Variants in PPP1R14B observed in about 807,000 individuals in gnomAD.
PPP1R14B encodes protein phosphatase 1 regulatory inhibitor subunit 14B, also known as protein phosphatase 1 regulatory subunit 14B.
PPP1R14B carries 4 observed loss-of-function variants against 14.7 expected under a neutral mutation model. The observed-to-expected ratio is 0.27, with a 90% CI of 0.13 to 0.62. The LOEUF is 0.62. Ranked by LOEUF, PPP1R14B falls within the 20% of genes least tolerant of loss-of-function variation. The pLI, the probability that PPP1R14B is intolerant of heterozygous loss-of-function variation, is 0.85. For missense variants in PPP1R14B, 138 were observed against 201.5 expected, an observed-to-expected ratio of 0.68 and a Z score of 1.91; for synonymous variants, 76 against 87.3, an observed-to-expected ratio of 0.87 and a Z score of 0.72.
intron 1 of PPP1R14B, 72 bp from the exon 2 acceptor site, chr11:64,245,359 G>A: frequency 7.6e-7 from 1 of 1,317,494 alleles, no homozygotes; most frequent in Non-Finnish European, 1.1e-6. Flanking sequence ...GGGGCTCTGG[G>A]TTGAGGCCCC....
Position 64,244,649 on chromosome 11 carries a change from A to G in PPP1R14B, c.*105T>C. 1 of 1,533,278 alleles carries G rather than the reference A, an allele frequency of 6.5e-7. No individual in the cohort carries two copies. Among genetic ancestry groups the G allele is most frequent in the East Asian group, 2.3e-5 (1 of 43,422 alleles). 95.0% of individuals were successfully genotyped at this position (1,533,278 alleles called of 1,614,324 possible). A position where few individuals can be genotyped will look rare whatever the true frequency, so the allele number is the denominator to read the frequency against. On this transcript the variant is annotated 3_prime_UTR_variant, in exon 4 of 4. Transcript: ENST00000309318. ...GCCAGGGGCACGAGGAGCCCTGCTC[A>G]TGGCACCAGGCCTGGCCGCAGGGTC...
In PPP1R14B at chr11:64,246,716, C is replaced by T. The variant is rs1345259533; in HGVS notation, c.-43G>A. The T allele has an allele frequency of 3.9e-6, 4 of 1,016,372 alleles. No homozygotes were observed. The highest frequency in any genetic ancestry group is 1.7e-5 in the African/African-American group (1 of 57,456). The allele number at this position is 1,016,372 out of a possible 1,614,324, so 63.0% of individuals were successfully genotyped here. A position where few individuals can be genotyped will look rare whatever the true frequency, so the allele number is the denominator to read the frequency against. On this transcript the variant is annotated 5_prime_UTR_variant, in exon 1 of 4. Transcript: ENST00000309318. ...CGTGCGAGCGTCGGGCCCCTCCCTG[C>T]GCCACCGCCTCCGGGACGCCCGCCG...
intron 3 of PPP1R14B, 44 bp downstream of exon 3, chr11:64,244,886 C>T: frequency 1.2e-6 from 2 of 1,611,744 alleles, no homozygotes; most frequent in South Asian, 1.1e-5. Flanking sequence ...AGCCGGGCTC[C>T]CCTCACCCTG....
At position 64,244,888 on chromosome 11, in the gene PPP1R14B, C is replaced by T. The variant is rs771864609; in HGVS notation, c.375+42G>A. 8 of 1,611,676 alleles carry T rather than the reference C, an allele frequency of 5.0e-6. No individual in the cohort carries two copies. The East Asian group carries it at 1.1e-4, about 22-fold the overall frequency. ...CCAAGATGACAGGAGCCGGGCTCCC[C>T]TCACCCTGCCACCCCCGCCAGCCCC... On this transcript the variant is annotated intron_variant, in intron 3 of 3. Coordinates refer to ENST00000309318, the MANE Select transcript of PPP1R14B (RefSeq NM_138689.3).
At chr11:64,244,876 A>G in intron 3 of PPP1R14B, 54 bp from the exon 4 acceptor site, 2 of 1,612,470 alleles carry the variant, frequency 1.2e-6, no homozygotes, top group Non-Finnish European at 1.7e-6. Flanking sequence ...AGATGACAGG[A>G]GCCGGGCTCC....
Position 64,244,902 on chromosome 11 carries a change from C to G in PPP1R14B, c.375+28G>C, listed in dbSNP as rs1240141023. ...GCCGGGCTCCCCTCACCCTGCCACC[C>G]CCGCCAGCCCCCCAGGAAATCTCTT... On this transcript the variant is annotated intron_variant, in intron 3 of 3. Transcript: ENST00000309318. 1.9e-6 allele frequency: 3 copies of G among 1,611,574 alleles called. No homozygotes were observed. The South Asian group carries it at 3.3e-5, about 18-fold the overall frequency.
At chr11:64,245,104 A>T (rs1177792781) in intron 2 of PPP1R14B, 100 bp downstream of exon 2, 1 of 1,487,206 alleles carries the variant, frequency 6.7e-7, no homozygotes, top group East Asian at 2.3e-5. Context: ...CATTGGCCCC[A>T]TTCTGTTGAG....
At chr11:64,244,900 C>A (rs770888599) in intron 3 of PPP1R14B, 30 bp downstream of exon 3, 2 of 1,610,800 alleles carry the variant, frequency 1.2e-6, no homozygotes, top group South Asian at 2.2e-5. Flanking sequence ...CACCCTGCCA[C>A]CCCCGCCAGC....
In PPP1R14B at chr11:64,245,234, C is replaced by T. The variant is rs564375196; in HGVS notation, c.312G>A (p.Glu104=). The part of the protein sequence containing the change: ...EIDVDELLDM[E]SDDARAARVK... ...CCCTGGCAGCCCGGGCATCGTCACTCTCCATGTCCAGGAGCTCATCCACGT... is the reference window on the plus strand; with the variant it reads ...CCCTGGCAGCCCGGGCATCGTCACTTTCCATGTCCAGGAGCTCATCCACGT... Residue 104 remains glutamate (E), a synonymous_variant, in exon 2 of 4, where the codon GAG becomes GAA. Transcript: ENST00000309318. 18 of 1,613,674 alleles carry T rather than the reference C, an allele frequency of 1.1e-5. No individual in the cohort carries two copies. The South Asian group carries it at 1.9e-4, about 17-fold the overall frequency.
In PPP1R14B at chr11:64,245,512, C is replaced by CG. The variant is rs546204180; in HGVS notation, c.259-226dup. ...AGCTTCCTGTCCCTGCCAGTGGGCACGGGGGGTGACAGACAAGGCCAGACA... is the reference window on the plus strand; with the variant it reads ...AGCTTCCTGTCCCTGCCAGTGGGCACGGGGGGGTGACAGACAAGGCCAGACA... On this transcript the variant is annotated intron_variant, in intron 1 of 3. Coordinates refer to ENST00000309318, the MANE Select transcript of PPP1R14B (RefSeq NM_138689.3). The CG allele has an allele frequency of 2.1e-3, 1,052 of 500,706 alleles. 11 individuals carry two copies. The highest frequency in any genetic ancestry group is 0.019 in the African/African-American group (981 of 50,464). 31.0% of individuals were successfully genotyped at this position (500,706 alleles called of 1,614,324 possible).
intron 2 of PPP1R14B, 51 bp from the exon 3 acceptor site, chr11:64,245,013 C>T: frequency 6.4e-7 from 1 of 1,557,578 alleles, no homozygotes; most frequent in East Asian, 2.3e-5. Flanking sequence ...GAGTGGGGGC[C>T]TGGAGCTCGC....
chr11:64,245,272 C>G lies in PPP1R14B; in HGVS notation c.274G>C (p.Glu92Gln). 1 of 1,599,102 alleles carries G rather than the reference C, an allele frequency of 6.3e-7. No individual in the cohort carries two copies. The highest frequency in any genetic ancestry group is 8.6e-7 in the Non-Finnish European group (1 of 1,166,752). ...AGCTCATCCACGTCAATCTCCAGTT[C>G]TGGGATCTCCTCTTCCTGGGGTGGG... is the stretch of plus-strand genomic sequence containing the variant. ...LYDCQEEEIP[E>Q]LEIDVDELLD... is the part of the protein sequence containing the mutation. The change falls in exon 2 of 4, where the codon GAA (glutamate) becomes CAA (glutamine). Residue 92 changes from glutamate to glutamine, a missense_variant. Glu to Gln is a conservative substitution (Grantham distance 29). This residue lies in a region of PPP1R14B where 84 missense variants were observed against 137.5 expected (regional missense o/e 0.61). Coordinates refer to ENST00000309318, the MANE Select transcript of PPP1R14B (RefSeq NM_138689.3).
At position 64,246,617 on chromosome 11, in the gene PPP1R14B, C is replaced by T. The variant is rs1052481; in HGVS notation, c.57G>A (p.Pro19=). Residue 19 remains proline, a synonymous_variant, in exon 1 of 4, where the codon CCG becomes CCA. Coordinates refer to ENST00000309318, the MANE Select transcript of PPP1R14B (RefSeq NM_138689.3). ...CGCGTGGTCCTGGGCCGCCACTGCCCGGCCCGGGGGCCGGGGCCGCCAACG... is the reference window on the plus strand; with the variant it reads ...CGCGTGGTCCTGGGCCGCCACTGCCTGGCCCGGGGGCCGGGGCCGCCAACG... ...GAALAAPAPG[P]GSGGPGPRVY... is the part of the protein sequence containing the mutation. The T allele has an allele frequency of 2.5e-5, 35 of 1,390,602 alleles. No individual in the cohort carries two copies. The highest frequency in any genetic ancestry group is 3.2e-5 in the Non-Finnish European group (34 of 1,065,252). The allele number at this position is 1,390,602 out of a possible 1,614,324, so 86.1% of individuals were successfully genotyped here.
At chr11:64,245,001 AG>A (rs1344917518) in intron 2 of PPP1R14B, 39 bp from the exon 3 acceptor site, 3 of 1,587,112 alleles carry the variant, frequency 1.9e-6, no homozygotes, top group Non-Finnish European at 2.6e-6. Context: ...GTGAGTCCTC[AG>A]GAGTGGGGGC....
chr11:64,244,859 G>A (rs1475317196), intron 3 of PPP1R14B, 37 bp from the exon 4 acceptor site: 2 of 1,613,520 alleles, frequency 1.2e-6, no homozygotes, highest in Admixed American at 1.7e-5. Flanking sequence ...AAGGAGACCA[G>A]ACCCCAAGAT....
intron 1 of PPP1R14B, 121 bp downstream of exon 1, chr11:64,246,295 G>A (rs2030875807): frequency 1.5e-6 from 2 of 1,367,392 alleles, no homozygotes; most frequent in Non-Finnish European, 1.0e-6. Flanking sequence ...GCAGAGGGGA[G>A]GGGAGCGCGC....
At chr11:64,245,596 C>A (rs548421440) in intron 1 of PPP1R14B, 7 of 252,418 alleles carry the variant, frequency 2.8e-5, no homozygotes, top group Admixed American at 1.7e-4. Context: ...AACATCCGGG[C>A]CCCCCATCTC....
chr11:64,246,506 G>A lies in PPP1R14B; in HGVS notation c.168C>T (p.Val56=), dbSNP rs1452679266. 3 of 1,610,254 alleles carry A rather than the reference G, an allele frequency of 1.9e-6. No homozygotes were observed. Among genetic ancestry groups the A allele is most frequent in the Admixed American group, 3.3e-5 (2 of 59,906 alleles). The change falls in exon 1 of 4, where the codon GTC becomes GTT. Residue 56 remains valine, a synonymous_variant. Coordinates refer to ENST00000309318, the MANE Select transcript of PPP1R14B (RefSeq NM_138689.3). Reference sequence around the variant, plus strand: ...GCTCCTTGCGGTCATACTTGACGGTGACCTTCCCTTGGCGCCTCACTGGGC... The same window carrying A: ...GCTCCTTGCGGTCATACTTGACGGTAACCTTCCCTTGGCGCCTCACTGGGC... ...DEGPVRRQGK[V]TVKYDRKELR...
Position 64,245,410 on chromosome 11 carries a change from G to A in PPP1R14B, c.259-123C>T, listed in dbSNP as rs1476148412. On this transcript the variant is annotated intron_variant, in intron 1 of 3. Coordinates refer to ENST00000309318, the MANE Select transcript of PPP1R14B (RefSeq NM_138689.3). The stretch of plus-strand genomic sequence containing the variant: ...AACCCAGCCCTCTGCCCAGCAGACA[G>A]AACAGCAGCTGCTCTGGGGAGGAAA... 1.6e-5 allele frequency: 12 copies of A among 750,740 alleles called. No individual in the cohort carries two copies. In the African/African-American group the frequency reaches 1.8e-4, roughly 11 times the overall value. The allele number at this position is 750,740 out of a possible 1,614,324, so 46.5% of individuals were successfully genotyped here.
Sources: gnomAD v4.1 joint callset for allele counts on GRCh38, gnomAD v4.1.1 for gene constraint, gnomAD v4.1.1 regional missense constraint, MANE v1.5 for transcripts, NCBI Gene and HGNC (gene_info 2026-07-23, HGNC 2026-07-21) for gene names.